The following CADM1 variants were observed in gnomAD, a reference collection of about 807,000 sequenced individuals.
CADM1 encodes cell adhesion molecule 1, also known as TSLC-1.
In CADM1, 15 loss-of-function variants were observed where a neutral mutation model predicts 53.1. That is an observed-to-expected ratio of 0.28 (90% confidence interval 0.19 to 0.44). CADM1 has a LOEUF of 0.44. CADM1 is among the 20% of genes least tolerant of loss of function. The pLI is 1.00. For synonymous variants in CADM1, 281 were observed against 243.0 expected (o/e 1.16, Z -1.45); for missense variants, 434 against 611.3 (o/e 0.71, Z 3.06).
At chr11:115,198,641 G>A (rs1940276002) in intron 8 of CADM1, among the ~76,000 whole-genome samples, 2 of 152,212 alleles carry the variant, frequency 1.3e-5, no homozygotes, top group South Asian at 2.1e-4. Context: ...GCTCAAAGCT[G>A]CGAGCCAGTG....
rs531987142 is a variant in CADM1, at chr11:115,484,736, AG to A, written c.124+19534del. Among the ~76,000 whole-genome samples the A allele has an allele frequency of 9.2e-5, 14 of 152,134 alleles. No individual in the cohort carries two copies. In the East Asian group the frequency reaches 2.5e-3, roughly 27 times the overall value. On this transcript the variant is annotated intron_variant, in intron 1 of 11. Coordinates refer to ENST00000331581, the MANE Select transcript of CADM1 (RefSeq NM_001301043.2). The stretch of plus-strand genomic sequence containing the variant: ...GCCGAGGCGGGCGGATCACAAGGTC[AG>A]GAGATTGAGACCATCCTGGCTAACA...
intron 1 of CADM1, among the ~76,000 whole-genome samples, chr11:115,243,439 T>C (rs375007885): frequency 2.0e-5 from 3 of 152,180 alleles, no homozygotes; most frequent in African/African-American, 7.2e-5. Context: ...TCTGTAAATA[T>C]CACCAATAAA....
At chr11:115,204,668 C>T (rs1354650617) in intron 8 of CADM1, among the ~76,000 whole-genome samples, 3 of 152,322 alleles carry the variant, frequency 2.0e-5, no homozygotes, top group African/African-American at 7.2e-5. Context: ...AGGTGTGCTT[C>T]TTTGCTTTGT....
chr11:115,202,103 C>T (rs1453580062), intron 8 of CADM1, among the ~76,000 whole-genome samples: 1 of 151,620 alleles, frequency 6.6e-6, no homozygotes, highest in African/African-American at 2.4e-5. Flanking sequence ...ACATCACATA[C>T]ATTTATTGTG....
chr11:115,245,612 T>C (rs1942383196), intron 1 of CADM1, among the ~76,000 whole-genome samples: 1 of 152,182 alleles, frequency 6.6e-6, no homozygotes, highest in Non-Finnish European at 1.5e-5. Flanking sequence ...CCATCACTAG[T>C]AGAGGCACTG....
chr11:115,280,262 G>C (rs1233848801), intron 1 of CADM1, among the ~76,000 whole-genome samples: 1 of 152,154 alleles, frequency 6.6e-6, no homozygotes, highest in African/African-American at 2.4e-5. Context: ...TTGGACAATA[G>C]AGACTCATCA....
intron 1 of CADM1, among the ~76,000 whole-genome samples, chr11:115,348,235 G>A (rs560896628): frequency 6.6e-6 from 1 of 152,142 alleles, no homozygotes; most frequent in Non-Finnish European, 1.5e-5. Context: ...CCAGAATAGA[G>A]TTGACATGAT....
intron 1 of CADM1, among the ~76,000 whole-genome samples, chr11:115,458,827 C>T (rs1038662436): frequency 1.3e-5 from 2 of 152,098 alleles, no homozygotes; most frequent in African/African-American, 4.8e-5. Flanking sequence ...CTGATATTTC[C>T]ATTTACATAT....
intron 6 of CADM1, among the ~76,000 whole-genome samples, chr11:115,216,229 T>C (rs953983061): frequency 1.3e-5 from 2 of 152,250 alleles, no homozygotes; most frequent in Admixed American, 1.3e-4. Context: ...AGTAGAGTAA[T>C]GTGAGCTTGC....
At chr11:115,358,817 A>G (rs534267109) in intron 1 of CADM1, among the ~76,000 whole-genome samples, 2 of 152,360 alleles carry the variant, frequency 1.3e-5, no homozygotes, top group East Asian at 1.9e-4. Context: ...TCTAAGGAGT[A>G]TAAGTAAATC....
At chr11:115,317,442 G>A (rs1334553146) in intron 1 of CADM1, among the ~76,000 whole-genome samples, 1 of 152,170 alleles carries the variant, frequency 6.6e-6, no homozygotes, top group East Asian at 1.9e-4. Context: ...TAACACGCCT[G>A]TAAAGTGGAG....
chr11:115,341,734 G>T (rs1454855796), intron 1 of CADM1, among the ~76,000 whole-genome samples: 2 of 152,172 alleles, frequency 1.3e-5, no homozygotes, highest in Non-Finnish European at 2.9e-5. Flanking sequence ...GTATTTACCG[G>T]TGTGTGACAG....
At chr11:115,482,627 G>A (rs1015481637) in intron 1 of CADM1, among the ~76,000 whole-genome samples, 2 of 152,112 alleles carry the variant, frequency 1.3e-5, no homozygotes, top group Non-Finnish European at 2.9e-5. Flanking sequence ...ATTTATAAAC[G>A]TGTTTCTCTT....
intron 1 of CADM1, among the ~76,000 whole-genome samples, chr11:115,338,220 A>C (rs896052224): frequency 2.8e-4 from 43 of 152,206 alleles, no homozygotes; most frequent in African/African-American, 9.6e-4. Flanking sequence ...GCATATGTTA[A>C]CTCATTTAAT....
chr11:115,345,540 T>C (rs1447844736), intron 1 of CADM1, among the ~76,000 whole-genome samples: 1 of 152,130 alleles, frequency 6.6e-6, no homozygotes, highest in African/African-American at 2.4e-5. Context: ...TAGCAATAAT[T>C]TTTTTAAACA....
In CADM1 at chr11:115,175,383, A is replaced by G; in HGVS notation, c.*1091T>C. 1.0e-6 allele frequency: 1 copy of G among 985,754 alleles called. No individual in the cohort carries two copies. Among genetic ancestry groups the G allele is most frequent in the Non-Finnish European group, 1.2e-6 (1 of 829,920 alleles). 61.1% of individuals were successfully genotyped at this position (985,754 alleles called of 1,614,324 possible). On this transcript the variant is annotated 3_prime_UTR_variant, in exon 12 of 12. Transcript: ENST00000331581. ...CCTAACTAAGCACAAAGGAAAAAAA[A>G]AAAAAAATCAACTCTGTCCCATTCA...
chr11:115,377,179 A>G (rs1946460417), intron 1 of CADM1: 1 of 152,080 alleles, frequency 6.6e-6, no homozygotes, highest in African/African-American at 2.4e-5. Flanking sequence ...TTTTCCTTGC[A>G]AGCATGATGA....
At chr11:115,246,230 T>C (rs1013735297) in intron 1 of CADM1, among the ~76,000 whole-genome samples, 5 of 152,218 alleles carry the variant, frequency 3.3e-5, no homozygotes, top group African/African-American at 9.6e-5. Context: ...AATCAATCTG[T>C]CTGCTGTTTA....
intron 1 of CADM1, chr11:115,399,636 A>G (rs1484325271): frequency 6.6e-6 from 1 of 152,224 alleles, no homozygotes; most frequent in Non-Finnish European, 1.5e-5. Context: ...TGAGCACCAT[A>G]GTATAAAAAG....
Sources: gnomAD v4.1 joint callset for allele counts (sites outside exome capture counted in the v4.1 genomes callset) on GRCh38, gnomAD v4.1.1 for gene constraint, MANE v1.5 for transcripts, NCBI Gene and HGNC (gene_info 2026-07-23, HGNC 2026-07-21) for gene names.